CNTN6: variants seen among roughly 807,000 people sequenced by gnomAD.
CNTN6 encodes the protein contactin 6, also known as contactin-6.
A neutral mutation model predicts 122.8 loss-of-function variants in CNTN6; 137 were observed. That is an observed-to-expected ratio of 1.12 (90% CI 0.97 to 1.29). The LOEUF (loss-of-function observed/expected upper bound fraction) is 1.29. Among genes scored for constraint, CNTN6 ranks in the 50% most tolerant of loss-of-function variants. The pLI is 0.00. For missense variants in CNTN6, 1,634 were observed against 1,223.4 expected, an observed-to-expected ratio of 1.34 and a Z score of -5.01; for synonymous variants, 570 against 426.0, an observed-to-expected ratio of 1.34 and a Z score of -4.16.
At chr3:1,187,162 G>A (rs543137355) in intron 2 of CNTN6, among the ~76,000 whole-genome samples, 23 of 152,078 alleles carry the variant, frequency 1.5e-4, no homozygotes, top group African/African-American at 5.3e-4. Flanking sequence ...TCCAATGGTC[G>A]ATTTTCCCCT....
chr3:1,252,142 A>G (rs1369503626), intron 4 of CNTN6, among the ~76,000 whole-genome samples: 1 of 152,134 alleles, frequency 6.6e-6, no homozygotes, highest in African/African-American at 2.4e-5. Context: ...TTTATCTCAC[A>G]ACCTAGGCCC....
chr3:1,381,636 C>T (rs193042134), intron 17 of CNTN6, among the ~76,000 whole-genome samples: 78 of 152,250 alleles, frequency 5.1e-4, no homozygotes, highest in African/African-American at 1.7e-3. Flanking sequence ...CATGCTTATG[C>T]CTCAGTTCCT....
intron 4 of CNTN6, among the ~76,000 whole-genome samples, chr3:1,262,226 G>A (rs912400657): frequency 6.6e-6 from 1 of 152,140 alleles, no homozygotes; most frequent in African/African-American, 2.4e-5. Flanking sequence ...AGGCTCAGGG[G>A]CAGAGAAGCT....
chr3:1,241,441 G>A (rs536265732), intron 4 of CNTN6, among the ~76,000 whole-genome samples: 9 of 152,084 alleles, frequency 5.9e-5, no homozygotes, highest in South Asian at 4.2e-4. Flanking sequence ...GATATTGTGC[G>A]GATGTTAGAA....
chr3:1,117,133 G>A (rs1211890033), intron 1 of CNTN6, among the ~76,000 whole-genome samples: 1 of 152,178 alleles, frequency 6.6e-6, no homozygotes, highest in Non-Finnish European at 1.5e-5. Context: ...ATGGCCTAGG[G>A]AAGAGATTTA....
intron 11 of CNTN6, among the ~76,000 whole-genome samples, chr3:1,332,800 ATTAT>A (rs1249940332): frequency 6.6e-6 from 1 of 152,052 alleles, no homozygotes; most frequent in Non-Finnish European, 1.5e-5. Flanking sequence ...CCCAAGGTTG[ATTAT>A]TTCTTCTACA....
chr3:1,094,340 C>A (rs193173193), intron 1 of CNTN6, among the ~76,000 whole-genome samples: 2 of 152,122 alleles, frequency 1.3e-5, no homozygotes, highest in East Asian at 1.9e-4. Flanking sequence ...AAAATACTTA[C>A]ACAATTTGTG....
chr3:1,161,767 T>TAC (rs1451397305), intron 2 of CNTN6, among the ~76,000 whole-genome samples: 3 of 140,126 alleles, frequency 2.1e-5, no homozygotes, highest in Non-Finnish European at 4.5e-5. Context: ...TATATATATG[T>TAC]ATACACACAC....
chr3:1,355,722 T>A (rs1049927297), intron 12 of CNTN6, among the ~76,000 whole-genome samples: 1 of 151,714 alleles, frequency 6.6e-6, no homozygotes, highest in African/African-American at 2.4e-5. Flanking sequence ...AAGGAGCAAA[T>A]GAGAAATCTC....
At chr3:1,308,318 T>TGTGC (rs907540316) in intron 7 of CNTN6, among the ~76,000 whole-genome samples, 8 of 150,524 alleles carry the variant, frequency 5.3e-5, no homozygotes, top group Non-Finnish European at 8.8e-5. Context: ...TGTGTGTGTG[T>TGTGC]GTGTGCACCT....
intron 5 of CNTN6, among the ~76,000 whole-genome samples, chr3:1,283,332 T>A (rs565504097): frequency 6.6e-6 from 1 of 152,340 alleles, no homozygotes; most frequent in South Asian, 2.1e-4. Context: ...AACTTTGAGC[T>A]GTATGCAGAG....
At chr3:1,394,155 TAGG>T in intron 20 of CNTN6, 1 of 190,458 alleles carries the variant, frequency 5.3e-6, no homozygotes, top group East Asian at 1.7e-4. Context: ...CTCAGCTACA[TAGG>T]AGAACTGCTC....
chr3:1,156,631 C>CTCTT (rs528815094), intron 2 of CNTN6, among the ~76,000 whole-genome samples: 4 of 147,862 alleles, frequency 2.7e-5, no homozygotes, highest in South Asian at 4.2e-4. Flanking sequence ...TTCTTTCTTT[C>CTCTT]TCTTTCTTTC....
chr3:1,116,956 C>T (rs190546853), intron 1 of CNTN6, among the ~76,000 whole-genome samples: 256 of 152,160 alleles, frequency 1.7e-3, no homozygotes, highest in Non-Finnish European at 3.4e-3. Context: ...CCACCTCCCT[C>T]AGTCTCGCAA....
chr3:1,340,871 G>A (rs760105254), intron 11 of CNTN6, among the ~76,000 whole-genome samples: 15 of 152,080 alleles, frequency 9.9e-5, no homozygotes, highest in African/African-American at 3.1e-4. Context: ...AATCATTAGC[G>A]TTCCAGCCCT....
intron 9 of CNTN6, 123 bp downstream of exon 9, chr3:1,326,074 G>A: frequency 1.3e-6 from 1 of 771,038 alleles, no homozygotes; most frequent in South Asian, 2.1e-5. Flanking sequence ...TCCAGGAAAG[G>A]ATGCATACAC....
intron 7 of CNTN6, 74 bp from the exon 8 acceptor site, chr3:1,321,576 A>G (rs1475420709): frequency 6.9e-6 from 9 of 1,311,024 alleles, no homozygotes; most frequent in Non-Finnish European, 8.4e-6. Flanking sequence ...AGTTATTTGT[A>G]TGGATGCTCT....
chr3:1,181,285 CACTT>C (rs2093549678), intron 2 of CNTN6, among the ~76,000 whole-genome samples: 3 of 152,164 alleles, frequency 2.0e-5, no homozygotes, highest in African/African-American at 4.8e-5. Flanking sequence ...CTACACAACT[CACTT>C]ACTCACATCC....
At chr3:1,149,007 G>T (rs936997747) in intron 2 of CNTN6, among the ~76,000 whole-genome samples, 2 of 152,106 alleles carry the variant, frequency 1.3e-5, no homozygotes, top group African/African-American at 4.8e-5. Flanking sequence ...TGCCATTTCT[G>T]TGAGTTATTT....
Sources: gnomAD v4.1 joint callset for allele counts (sites outside exome capture counted in the v4.1 genomes callset) on GRCh38, gnomAD v4.1.1 for gene constraint, MANE v1.5 for transcripts, NCBI Gene and HGNC (gene_info 2026-07-23, HGNC 2026-07-21) for gene names.